HSD17B7: variants seen among roughly 807,000 people sequenced by gnomAD.
The protein encoded by HSD17B7 is 3-keto-steroid reductase/17-beta-hydroxysteroid dehydrogenase 7.
A neutral mutation model predicts 34.1 loss-of-function variants in HSD17B7; 17 were observed. That is an observed-to-expected ratio of 0.50 (90% CI 0.34 to 0.75). The LOEUF (loss-of-function observed/expected upper bound fraction) is 0.75, where lower values mean the gene tolerates loss of function less well. Among genes scored for constraint, HSD17B7 ranks in the 30% least tolerant of loss-of-function variants. HSD17B7 has a pLI of 0.01. For missense variants in HSD17B7, 296 were observed against 406.6 expected, an observed-to-expected ratio of 0.73 and a Z score of 2.34; for synonymous variants, 122 against 154.6, an observed-to-expected ratio of 0.79 and a Z score of 1.56.
intron 8 of HSD17B7, among the ~76,000 whole-genome samples, chr1:162,810,178 T>G (rs930117637): frequency 4.6e-5 from 7 of 152,244 alleles, no homozygotes; most frequent in Admixed American, 3.9e-4. Context: ...TCAAAGAACA[T>G]CTTTACGTCT....
chr1:162,808,176 T>C (rs918164563), intron 8 of HSD17B7, among the ~76,000 whole-genome samples: 1 of 152,232 alleles, frequency 6.6e-6, no homozygotes, highest in Non-Finnish European at 1.5e-5. Context: ...AGTTTCAGCT[T>C]TCTACATATG....
intron 8 of HSD17B7, among the ~76,000 whole-genome samples, chr1:162,810,306 T>G (rs1238206935): frequency 6.6e-6 from 1 of 152,224 alleles, no homozygotes; most frequent in African/African-American, 2.4e-5. Context: ...TGCACTGTGG[T>G]CTGAGAGACA....
intron 7 of HSD17B7, 111 bp from the exon 8 acceptor site, chr1:162,805,283 G>A (rs2102235893): frequency 7.1e-7 from 1 of 1,415,384 alleles, no homozygotes; most frequent in Non-Finnish European, 9.3e-7. Flanking sequence ...TATTTGAGAG[G>A]ATGTTTATAA....
In HSD17B7 at chr1:162,801,133, C is replaced by T. The variant is rs559127776; in HGVS notation, c.642+1196C>T. Among the ~76,000 whole-genome samples, 5 of 152,270 alleles carry T rather than the reference C, an allele frequency of 3.3e-5. No individual in the cohort carries two copies. In the South Asian group the frequency reaches 1.0e-3, roughly 32 times the overall value. On this transcript the variant is annotated intron_variant, in intron 5 of 8. Coordinates refer to ENST00000254521, the MANE Select transcript of HSD17B7 (RefSeq NM_016371.4). Reference sequence around the variant, plus strand: ...TAGCTGGGATTACAGGGATGTGCCACCACACCCAATTTTTGTGTTTTTAGT... The same window carrying T: ...TAGCTGGGATTACAGGGATGTGCCATCACACCCAATTTTTGTGTTTTTAGT...
At chr1:162,797,672 T>G (rs1417602981) in intron 3 of HSD17B7, 130 bp from the exon 4 acceptor site, 4 of 1,418,652 alleles carry the variant, frequency 2.8e-6, no homozygotes, top group East Asian at 2.5e-5. Context: ...AAATAGGTAT[T>G]TTTATTCCTG....
intron 8 of HSD17B7, among the ~76,000 whole-genome samples, chr1:162,807,142 G>A (rs1649007571): frequency 6.6e-6 from 1 of 151,916 alleles, no homozygotes; most frequent in African/African-American, 2.4e-5. Flanking sequence ...CCCCACAACA[G>A]GCCCCAGTGT....
chr1:162,795,128 T>C (rs2997872), intron 2 of HSD17B7, among the ~76,000 whole-genome samples: 1 of 152,210 alleles, frequency 6.6e-6, no homozygotes, highest in African/African-American at 2.4e-5. Flanking sequence ...AGTGTCCAGA[T>C]AGATTCTTAC....
chr1:162,792,541 T>C, intron 1 of HSD17B7, 118 bp from the exon 2 acceptor site: 1 of 1,358,102 alleles, frequency 7.4e-7, no homozygotes. Context: ...AGTCTTTTCT[T>C]TCTATCTGGG....
rs2261528 is a variant in HSD17B7, at chr1:162,811,712, A to C, written c.904-586A>C. The stretch of plus-strand genomic sequence containing the variant: ...ATCACCACCTGGCCATCTTTAGGGC[A>C]TGGCCCTCAGGCTTGTGGCTCGAGA... On this transcript the variant is annotated intron_variant, in intron 8 of 8. Transcript: ENST00000254521. Among the ~76,000 whole-genome samples the C allele has an allele frequency of 2.6e-5, 4 of 152,384 alleles. No homozygotes were observed. The East Asian group carries it at 7.7e-4, about 29-fold the overall frequency.
intron 3 of HSD17B7, 106 bp downstream of exon 3, chr1:162,796,783 A>C: frequency 1.3e-6 from 1 of 748,632 alleles, no homozygotes; most frequent in Non-Finnish European, 2.4e-6. Context: ...GGGGTTGTTG[A>C]AAAGGTTGAA....
intron 8 of HSD17B7, among the ~76,000 whole-genome samples, chr1:162,806,816 T>C (rs1455024210): frequency 6.6e-6 from 1 of 152,226 alleles, no homozygotes; most frequent in Non-Finnish European, 1.5e-5. Context: ...TGGAAATGCA[T>C]TGAAGAAAGT....
chr1:162,810,469 A>C (rs1649138312), intron 8 of HSD17B7, among the ~76,000 whole-genome samples: 1 of 152,078 alleles, frequency 6.6e-6, no homozygotes, highest in Non-Finnish European at 1.5e-5. Flanking sequence ...ATTAGGTCTG[A>C]TTGGTGCAGA....
intron 4 of HSD17B7, 69 bp from the exon 5 acceptor site, chr1:162,799,674 A>G: frequency 1.8e-6 from 2 of 1,082,244 alleles, no homozygotes; most frequent in Non-Finnish European, 2.7e-6. Context: ...CATACAGTAC[A>G]GTGGTTTCAA....
chr1:162,808,890 A>G (rs1649079226), intron 8 of HSD17B7, among the ~76,000 whole-genome samples: 2 of 152,120 alleles, frequency 1.3e-5, no homozygotes, highest in African/African-American at 4.8e-5. Context: ...GGGTTTTCTA[A>G]ATATACAATC....
At chr1:162,796,779 G>A in intron 3 of HSD17B7, 102 bp downstream of exon 3, 2 of 747,718 alleles carry the variant, frequency 2.7e-6, no homozygotes, top group South Asian at 3.0e-5. Context: ...GTAAGGGGTT[G>A]TTGAAAAGGT....
At chr1:162,804,414 G>A in intron 7 of HSD17B7, 91 bp downstream of exon 7, 1 of 831,254 alleles carries the variant, frequency 1.2e-6, no homozygotes, top group Non-Finnish European at 2.0e-6. Flanking sequence ...CAACAGAAAA[G>A]ATAATAAGAG....
At chr1:162,803,900 A>G (rs1195249720) in intron 6 of HSD17B7, among the ~76,000 whole-genome samples, 1 of 152,238 alleles carries the variant, frequency 6.6e-6, no homozygotes, top group Non-Finnish European at 1.5e-5. Flanking sequence ...ATTGTGTACT[A>G]TGTAACTATA....
chr1:162,794,453 C>A (rs1353020359), intron 2 of HSD17B7, among the ~76,000 whole-genome samples: 2 of 151,962 alleles, frequency 1.3e-5, no homozygotes, highest in African/African-American at 2.4e-5. Context: ...TTAGAGTTTT[C>A]TACCGCATCT....
chr1:162,798,053 C>T (rs1478719315), intron 4 of HSD17B7, 137 bp downstream of exon 4: 2 of 1,376,068 alleles, frequency 1.5e-6, no homozygotes, highest in African/African-American at 2.9e-5. Context: ...ATTGCATTTG[C>T]CTTGTTTATT....
Sources: gnomAD v4.1 joint callset for allele counts (sites outside exome capture counted in the v4.1 genomes callset) on GRCh38, gnomAD v4.1.1 for gene constraint, MANE v1.5 for transcripts, NCBI Gene and HGNC (gene_info 2026-07-23, HGNC 2026-07-21) for gene names.